Variants in PCDH15 observed in about 807,000 individuals in gnomAD.
PCDH15 encodes the protein protocadherin related 15.
A neutral mutation model predicts 178.5 loss-of-function variants in PCDH15; 129 were observed. The ratio of observed to expected loss-of-function variants is 0.72; its 90% CI spans 0.63 to 0.84. The LOEUF (loss-of-function observed/expected upper bound fraction) is 0.84. Ranked by LOEUF, PCDH15 falls within the 40% of genes least tolerant of loss-of-function variation. The probability of loss-of-function intolerance (pLI) is 0.00; values close to 1 mark genes in which losing one functional copy is unlikely to be tolerated. For synonymous variants in PCDH15, 800 were observed against 732.0 expected, an observed-to-expected ratio of 1.09 and a Z score of -1.50; for missense variants, 2,230 against 2,099.9, an observed-to-expected ratio of 1.06 and a Z score of -1.21.
chr10:55,307,113 TA>T (rs1843447445), intron 1 of PCDH15, among the ~76,000 whole-genome samples: 1 of 152,024 alleles, frequency 6.6e-6, no homozygotes, highest in Admixed American at 6.6e-5. Flanking sequence ...ATATGTATTT[TA>T]TATATAACTT....
intron 2 of PCDH15, among the ~76,000 whole-genome samples, chr10:55,083,516 G>A (rs1842093731): frequency 6.6e-6 from 1 of 151,848 alleles, no homozygotes; most frequent in Non-Finnish European, 1.5e-5. Flanking sequence ...GGACAAGGAT[G>A]CCTATGTTCA....
chr10:55,338,245 T>A (rs759485741), intron 2 of PCDH15, among the ~76,000 whole-genome samples: 1 of 151,984 alleles, frequency 6.6e-6, no homozygotes, highest in Non-Finnish European at 1.5e-5. Context: ...TAAACGTCCC[T>A]CAAAAAAACT....
At chr10:55,019,449 T>A (rs1840269718) in intron 2 of PCDH15, among the ~76,000 whole-genome samples, 1 of 151,384 alleles carries the variant, frequency 6.6e-6, no homozygotes, top group Admixed American at 6.6e-5. Flanking sequence ...GGACTACCCC[T>A]TTTTTTTTCC....
chr10:54,778,582 A>G (rs1949953024), intron 1 of PCDH15, among the ~76,000 whole-genome samples: 1 of 152,160 alleles, frequency 6.6e-6, no homozygotes. Context: ...TGTTTTTACT[A>G]TAATTTGGGA....
At chr10:55,056,190 C>T (rs541221230) in intron 2 of PCDH15, among the ~76,000 whole-genome samples, 6 of 152,242 alleles carry the variant, frequency 3.9e-5, no homozygotes, top group African/African-American at 1.4e-4. Context: ...TAACTTTCCA[C>T]TGTAATCAGA....
intron 2 of PCDH15, among the ~76,000 whole-genome samples, chr10:54,905,630 T>C (rs1454488): frequency 0.72 from 109,257 of 152,038 alleles, 39,660 homozygotes; most frequent in East Asian, 0.89. Flanking sequence ...CCTGAGAAGG[T>C]AAGGCTTTTC....
At chr10:55,511,487 C>T (rs1381282498) in intron 2 of PCDH15, among the ~76,000 whole-genome samples, 1 of 152,012 alleles carries the variant, frequency 6.6e-6, no homozygotes, top group Admixed American at 6.6e-5. Flanking sequence ...TCTGTTCTCA[C>T]ACATTTTCTT....
chr10:55,442,481 T>TTTTA (rs1554869634), intron 2 of PCDH15, among the ~76,000 whole-genome samples: 4 of 123,076 alleles, frequency 3.3e-5, no homozygotes, highest in Non-Finnish European at 4.8e-5. Flanking sequence ...TATATATATA[T>TTTTA]TATATATATA....
At chr10:55,035,951 T>C (rs1052329468) in intron 2 of PCDH15, among the ~76,000 whole-genome samples, 2 of 152,172 alleles carry the variant, frequency 1.3e-5, no homozygotes, top group Non-Finnish European at 2.9e-5. Context: ...ATTTATTCTC[T>C]TAACAATTAG....
At chr10:55,219,405 C>G (rs1184648325) in intron 1 of PCDH15, among the ~76,000 whole-genome samples, 2 of 151,892 alleles carry the variant, frequency 1.3e-5, no homozygotes, top group African/African-American at 2.4e-5. Flanking sequence ...ATCATTACAA[C>G]ATTAAGGATG....
chr10:53,907,627 T>C (rs1196719679), intron 25 of PCDH15, among the ~76,000 whole-genome samples: 1 of 152,214 alleles, frequency 6.6e-6, no homozygotes, highest in Non-Finnish European at 1.5e-5. Context: ...GGGACAATCT[T>C]TTCTTTGGCT....
chr10:54,067,073 C>T (rs2094149462), intron 17 of PCDH15, among the ~76,000 whole-genome samples, 188 bp from the exon 18 acceptor site: 1 of 151,888 alleles, frequency 6.6e-6, no homozygotes, highest in Admixed American at 6.6e-5. Context: ...AAGCTTCCCA[C>T]CTCAAAAAAC....
intron 3 of PCDH15, among the ~76,000 whole-genome samples, chr10:54,863,200 G>A (rs1416213411): frequency 6.6e-6 from 1 of 152,070 alleles, no homozygotes; most frequent in Non-Finnish European, 1.5e-5. Flanking sequence ...ATGATTAACA[G>A]CTAGCTTTGA....
chr10:55,352,660 T>A (rs1223717672), intron 2 of PCDH15, among the ~76,000 whole-genome samples: 3 of 152,084 alleles, frequency 2.0e-5, no homozygotes, highest in Non-Finnish European at 2.9e-5. Flanking sequence ...ATCAAAAAAG[T>A]CATCGTTTTG....
intron 3 of PCDH15, among the ~76,000 whole-genome samples, chr10:54,480,343 A>G (rs1469670067): frequency 6.6e-6 from 1 of 152,084 alleles, no homozygotes; most frequent in Non-Finnish European, 1.5e-5. Context: ...CTAAAAACTC[A>G]ATGGAGGTTA....
intron 2 of PCDH15, among the ~76,000 whole-genome samples, chr10:55,065,993 A>G (rs1164092498): frequency 1.3e-5 from 2 of 151,996 alleles, no homozygotes; most frequent in Non-Finnish European, 1.5e-5. Context: ...AAGTCCCACT[A>G]TTCCCCAAAC....
In PCDH15 at chr10:54,365,562, G is replaced by A. The variant is rs73249904; in HGVS notation, c.474+3558C>T. Among the ~76,000 whole-genome samples the A allele has an allele frequency of 7.6e-3, 1,152 of 152,120 alleles. 14 individuals carry two copies. The highest frequency in any genetic ancestry group is 0.026 in the African/African-American group (1,090 of 41,532). ...CTTCACATGACCAAGAAAACATTAT[G>A]TCTGCCTTGACTTGCTCTTGTTTAC... is the stretch of plus-strand genomic sequence containing the variant. On this transcript the variant is annotated intron_variant, in intron 5 of 37. Transcript: ENST00000644397.
Position 54,845,159 on chromosome 10 carries a change from T to G in PCDH15, c.-29+52291A>C, listed in dbSNP as rs79161966. On this transcript the variant is annotated intron_variant, in intron 3 of 5. Coordinates refer to the PCDH15 transcript ENST00000458638. ...TTTCTTTTTTTTGCAATGTGCTTAATTACTTACCTGAATGTTCATTATGTT... is the reference window on the plus strand; with the variant it reads ...TTTCTTTTTTTTGCAATGTGCTTAAGTACTTACCTGAATGTTCATTATGTT... Among the ~76,000 whole-genome samples the G allele has an allele frequency of 2.2e-3, 337 of 152,058 alleles. 2 individuals are homozygous for G. The highest frequency in any genetic ancestry group is 6.5e-3 in the African/African-American group (270 of 41,550).
At chr10:54,246,683 T>C (rs1591398199) in intron 8 of PCDH15, among the ~76,000 whole-genome samples, 1 of 152,032 alleles carries the variant, frequency 6.6e-6, no homozygotes, top group Non-Finnish European at 1.5e-5. Flanking sequence ...ATGATTGCAT[T>C]TGTGTTAAAT....
Sources: allele counts gnomAD v4.1 joint callset (sites outside exome capture counted in the v4.1 genomes callset), GRCh38; gene constraint gnomAD v4.1.1; transcripts MANE v1.5; gene names NCBI Gene and HGNC (gene_info 2026-07-23, HGNC 2026-07-21).